TMEM132D: variants seen among roughly 807,000 people sequenced by gnomAD.
TMEM132D encodes mature OL transmembrane protein.
In TMEM132D, 21 loss-of-function variants were observed where a neutral mutation model predicts 62.3. The ratio of observed to expected loss-of-function variants is 0.34; its 90% CI spans 0.24 to 0.49. The LOEUF is 0.49. TMEM132D is among the 20% of genes least tolerant of loss of function. The pLI is 0.99. For missense variants in TMEM132D, 1,346 were observed against 1,402.8 expected (o/e 0.96, Z 0.65); for synonymous variants, 621 against 575.6 (o/e 1.08, Z -1.13).
chr12:129,152,227 G>A (rs1471564280), intron 5 of TMEM132D, among the ~76,000 whole-genome samples: 2 of 152,170 alleles, frequency 1.3e-5, no homozygotes. Context: ...AGGCTCTATG[G>A]CCAGGCTGAA....
At chr12:129,636,392 TACAA>T (rs1280142465) in intron 2 of TMEM132D, among the ~76,000 whole-genome samples, 8 of 152,254 alleles carry the variant, frequency 5.3e-5, no homozygotes, top group Admixed American at 5.2e-4. Context: ...ATTTCATTGC[TACAA>T]ACAGTTTGTT....
At chr12:129,114,177 C>A (rs901916583) in intron 5 of TMEM132D, among the ~76,000 whole-genome samples, 7 of 152,168 alleles carry the variant, frequency 4.6e-5, no homozygotes, top group African/African-American at 1.4e-4. Context: ...GGCCAGGGAT[C>A]TTTGGATGGG....
intron 3 of TMEM132D, among the ~76,000 whole-genome samples, chr12:129,440,792 G>T (rs1297597182): frequency 6.6e-6 from 1 of 152,208 alleles, no homozygotes. Flanking sequence ...CTACACACAG[G>T]CTTGAAGCCT....
At chr12:129,486,107 C>A (rs959931991) in intron 3 of TMEM132D, among the ~76,000 whole-genome samples, 4 of 152,178 alleles carry the variant, frequency 2.6e-5, no homozygotes, top group African/African-American at 9.6e-5. Context: ...GTGGGAGCCA[C>A]CTTCCATGGA....
In TMEM132D at chr12:129,811,746, G is replaced by A. The variant is rs77715186; in HGVS notation, c.79+91515C>T. On this transcript the variant is annotated intron_variant, in intron 1 of 8. Coordinates refer to ENST00000422113, the MANE Select transcript of TMEM132D (RefSeq NM_133448.3). Reference sequence around the variant, plus strand: ...GACGCCAGACAGATACGGGGAGCAGGGCTCAGCATGCTGGATTTGAAGATG... The same window carrying A: ...GACGCCAGACAGATACGGGGAGCAGAGCTCAGCATGCTGGATTTGAAGATG... 4.7e-3 allele frequency among the ~76,000 whole-genome samples: 712 copies of A among 151,858 alleles called. 10 individuals are homozygous for A. The highest frequency in any genetic ancestry group is 0.014 in the Middle Eastern group (4 of 294).
intron 4 of TMEM132D, among the ~76,000 whole-genome samples, chr12:129,302,332 C>G (rs1375629063): frequency 6.6e-6 from 1 of 152,234 alleles, no homozygotes; most frequent in Non-Finnish European, 1.5e-5. Flanking sequence ...CCAGGCTGGT[C>G]TTGAACTCCT....
intron 3 of TMEM132D, among the ~76,000 whole-genome samples, chr12:129,471,701 T>C (rs1364154416): frequency 6.6e-6 from 1 of 152,180 alleles, no homozygotes; most frequent in Non-Finnish European, 1.5e-5. Context: ...GGCTTTTGTG[T>C]CAAATAGCTA....
chr12:129,661,718 A>C (rs1448980524), intron 2 of TMEM132D, among the ~76,000 whole-genome samples: 1 of 152,242 alleles, frequency 6.6e-6, no homozygotes, highest in Non-Finnish European at 1.5e-5. Flanking sequence ...CACTGTCATC[A>C]ATGGCAAGGA....
At chr12:129,874,592 T>TAA (rs34854402) in intron 1 of TMEM132D, among the ~76,000 whole-genome samples, 5,798 of 130,198 alleles carry the variant, frequency 0.045, 211 homozygotes, top group South Asian at 0.13. Context: ...AAAGCTAGGT[T>TAA]AAAAAAAAAA....
At chr12:129,174,921 G>A (rs1593285676) in intron 5 of TMEM132D, among the ~76,000 whole-genome samples, 1 of 152,130 alleles carries the variant, frequency 6.6e-6, no homozygotes, top group East Asian at 1.9e-4. Flanking sequence ...TTTTTGAGGG[G>A]GTTGTTTTTT....
intron 3 of TMEM132D, among the ~76,000 whole-genome samples, chr12:129,378,868 T>A (rs1194800290): frequency 6.6e-6 from 1 of 152,198 alleles, no homozygotes; most frequent in Non-Finnish European, 1.5e-5. Context: ...TTTTGAAATG[T>A]CTTAAGCAGC....
intron 5 of TMEM132D, among the ~76,000 whole-genome samples, chr12:129,145,067 CTATTA>C (rs1335081813): frequency 1.3e-5 from 2 of 151,838 alleles, no homozygotes; most frequent in African/African-American, 4.8e-5. Context: ...CATATATGAA[CTATTA>C]TATTAATTAT....
intron 1 of TMEM132D, among the ~76,000 whole-genome samples, chr12:129,710,044 A>T (rs1211840327): frequency 6.6e-6 from 1 of 152,216 alleles, no homozygotes; most frequent in Non-Finnish European, 1.5e-5. Context: ...GACAAAAGAA[A>T]TGTGAAAAGA....
intron 2 of TMEM132D, among the ~76,000 whole-genome samples, chr12:129,669,099 T>C (rs1219583994): frequency 6.6e-6 from 1 of 152,238 alleles, no homozygotes; most frequent in Non-Finnish European, 1.5e-5. Context: ...AGATTCTTCA[T>C]GGAACAGAGT....
intron 1 of TMEM132D, among the ~76,000 whole-genome samples, chr12:129,773,584 G>C (rs558275414): frequency 6.6e-6 from 1 of 152,302 alleles, no homozygotes; most frequent in East Asian, 1.9e-4. Flanking sequence ...CCCGAGAACA[G>C]AGAGAGGCTT....
chr12:129,636,724 G>GTA (rs1879488939), intron 2 of TMEM132D, among the ~76,000 whole-genome samples: 1 of 128,904 alleles, frequency 7.8e-6, no homozygotes, highest in Non-Finnish European at 1.7e-5. Flanking sequence ...GTGTGTGTGT[G>GTA]TGTGTGTGTG....
intron 3 of TMEM132D, among the ~76,000 whole-genome samples, chr12:129,404,279 A>G (rs867302192): frequency 4.0e-5 from 6 of 151,516 alleles, no homozygotes; most frequent in Non-Finnish European, 5.9e-5. Context: ...GCTCACTGCA[A>G]CCTCCACCTC....
intron 3 of TMEM132D, among the ~76,000 whole-genome samples, chr12:129,405,180 T>G (rs1003189436): frequency 1.3e-5 from 2 of 152,186 alleles, no homozygotes; most frequent in African/African-American, 4.8e-5. Context: ...GCTAGAAGCC[T>G]GAGATCAAGG....
intron 2 of TMEM132D, among the ~76,000 whole-genome samples, chr12:129,699,159 C>T (rs1881310067): frequency 6.6e-6 from 1 of 152,198 alleles, no homozygotes; most frequent in African/African-American, 2.4e-5. Flanking sequence ...TTATATTCCA[C>T]AGTGAAAACC....
Sources: gnomAD v4.1 joint callset for allele counts (sites outside exome capture counted in the v4.1 genomes callset) on GRCh38, gnomAD v4.1.1 for gene constraint, MANE v1.5 for transcripts, NCBI Gene and HGNC (gene_info 2026-07-23, HGNC 2026-07-21) for gene names.